The following SV2B variants were observed in gnomAD, a reference collection of about 807,000 sequenced individuals.
The protein encoded by SV2B is synaptic vesicle glycoprotein 2B.
Under a neutral mutation model 73.9 loss-of-function variants are expected in SV2B, and 41 were observed. That is an observed-to-expected ratio of 0.56 (90% CI 0.43 to 0.72). The LOEUF (loss-of-function observed/expected upper bound fraction) is 0.72, where lower values mean the gene tolerates loss of function less well. Ranked by LOEUF, SV2B falls within the 30% of genes least tolerant of loss-of-function variation. The pLI is 0.00. For missense variants in SV2B, 764 were observed against 857.8 expected (o/e 0.89, Z 1.37); for synonymous variants, 314 against 314.2 (o/e 1.00, Z 0.01).
Position 91,288,866 on chromosome 15 carries a change from CAG to C in SV2B, c.1709-654_1709-653del, listed in dbSNP as rs1305171773. On this transcript the variant is annotated intron_variant, in intron 11 of 12. Transcript: ENST00000394232. The surrounding 1 kb of genome is among the most constrained non-coding windows in gnomAD (Gnocchi z 5.8). ...CTACTTTTTGTCTTTTTCGTAGAGACAGTGTTTTATCATGTTGGTCAGGCTGG... is the reference window on the plus strand; with the variant it reads ...CTACTTTTTGTCTTTTTCGTAGAGACTGTTTTATCATGTTGGTCAGGCTGG... Among the ~76,000 whole-genome samples the C allele has an allele frequency of 5.9e-5, 9 of 152,194 alleles. No individual in the cohort carries two copies. Among genetic ancestry groups the C allele is most frequent in the African/African-American group, 2.2e-4 (9 of 41,524 alleles).
chr15:91,171,093 A>G (rs1296883254), intron 1 of SV2B, among the ~76,000 whole-genome samples: 1 of 152,162 alleles, frequency 6.6e-6, no homozygotes, highest in Non-Finnish European at 1.5e-5. Context: ...AAACCAGAAT[A>G]TGGATCTCGA....
chr15:91,198,846 G>T (rs1355574438), intron 1 of SV2B, among the ~76,000 whole-genome samples: 1 of 152,202 alleles, frequency 6.6e-6, no homozygotes, highest in Admixed American at 6.5e-5. Flanking sequence ...TGATCTGGGG[G>T]CAGGGCCGTA....
intron 1 of SV2B, among the ~76,000 whole-genome samples, chr15:91,108,883 A>G (rs1045485837): frequency 6.6e-6 from 1 of 152,192 alleles, no homozygotes; most frequent in African/African-American, 2.4e-5. Context: ...CAGCTCCCAC[A>G]CAGAAGCCTG....
chr15:91,270,130 C>T (rs1220313234), intron 9 of SV2B, among the ~76,000 whole-genome samples: 1 of 152,188 alleles, frequency 6.6e-6, no homozygotes, highest in Non-Finnish European at 1.5e-5. Context: ...GACTAGATGT[C>T]ACCCATGGGG....
In SV2B at chr15:91,115,472, A is replaced by C. The variant is rs930632205; in HGVS notation, c.-392+15109A>C. On this transcript the variant is annotated intron_variant, in intron 1 of 12. Transcript: ENST00000394232. The surrounding 1 kb of genome is among the most constrained non-coding windows in gnomAD (Gnocchi z 4.3). The stretch of plus-strand genomic sequence containing the variant: ...CTGCAACCTCTGCCTCTCAGGCTCA[A>C]GTAATCCTCCCACCTCAGTCTCCTG... Among the ~76,000 whole-genome samples, 4 of 152,028 alleles carry C rather than the reference A, an allele frequency of 2.6e-5. No homozygotes were observed. Among genetic ancestry groups the C allele is most frequent in the African/African-American group, 2.4e-5 (1 of 41,406 alleles).
intron 1 of SV2B, among the ~76,000 whole-genome samples, chr15:91,113,182 A>G (rs558362092): frequency 6.6e-6 from 1 of 152,306 alleles, no homozygotes; most frequent in Admixed American, 6.5e-5. Flanking sequence ...GGCAAAGACC[A>G]GCTGGCTTCA....
chr15:91,205,566 A>G (rs2045605292), intron 1 of SV2B, among the ~76,000 whole-genome samples: 2 of 151,928 alleles, frequency 1.3e-5, no homozygotes, highest in Admixed American at 6.6e-5. Flanking sequence ...GGGTTTCATC[A>G]TGTTGGCCAG....
rs1209422549 is a variant in SV2B at position 91,139,183 on chromosome 15, A to G, written c.-392+38820A>G. Among the ~76,000 whole-genome samples, 3 of 152,174 alleles carry G rather than the reference A, an allele frequency of 2.0e-5. No homozygotes were observed. The highest frequency in any genetic ancestry group is 4.4e-5 in the Non-Finnish European group (3 of 68,042). On this transcript the variant is annotated intron_variant, in intron 1 of 12. Coordinates refer to ENST00000394232, the MANE Select transcript of SV2B (RefSeq NM_001323032.3). This position sits in a 1 kb window ranked among gnomAD's most constrained non-coding sequence, Gnocchi z 5.2. ...TTGGGCTGTGCTTCACAATCATCCA[A>G]TGGTGGTGTGAAGGGAAGGAGGTTG...
rs1468319759 is a variant in SV2B, at chr15:91,234,047, T to C, written c.451+7333T>C. On this transcript the variant is annotated intron_variant, in intron 2 of 12. Coordinates refer to ENST00000394232, the MANE Select transcript of SV2B (RefSeq NM_001323032.3). This position sits in a 1 kb window ranked among gnomAD's most constrained non-coding sequence, Gnocchi z 5.6. ...GAAATTCTGCATTTAATGTTGCAGC[T>C]TGTAGGGCTGGAAAAAACTCTACTA... Among the ~76,000 whole-genome samples the C allele has an allele frequency of 1.3e-5, 2 of 152,194 alleles. No individual in the cohort carries two copies. The highest frequency in any genetic ancestry group is 2.9e-5 in the Non-Finnish European group (2 of 68,024).
At position 91,105,941 on chromosome 15, in the gene SV2B, C is replaced by A. The variant is rs926526751; in HGVS notation, c.-392+5578C>A. 6.6e-6 allele frequency among the ~76,000 whole-genome samples: 1 copy of A among 151,796 alleles called. No homozygotes were observed. Among genetic ancestry groups the A allele is most frequent in the African/African-American group, 2.4e-5 (1 of 41,288 alleles). ...GCACATGCCTGTAGCCCTAGCTACT[C>A]GGGAGTCTGAGGTGGGAGGATCACC... On this transcript the variant is annotated intron_variant, in intron 1 of 12. Coordinates refer to ENST00000394232, the MANE Select transcript of SV2B (RefSeq NM_001323032.3). The surrounding 1 kb of genome is among the most constrained non-coding windows in gnomAD (Gnocchi z 5.5).
chr15:91,272,147 C>A (rs1043514195), intron 9 of SV2B, among the ~76,000 whole-genome samples: 1 of 152,152 alleles, frequency 6.6e-6, no homozygotes, highest in East Asian at 1.9e-4. Flanking sequence ...TTTTGGGGAT[C>A]TGGGGGCTCT....
chr15:91,251,001 G>A (rs1242456433), intron 2 of SV2B, among the ~76,000 whole-genome samples: 1 of 152,156 alleles, frequency 6.6e-6, no homozygotes, highest in African/African-American at 2.4e-5. Flanking sequence ...AGGCAAAGCA[G>A]TCGAGCCAAA....
rs1207021854 is a variant in SV2B at position 91,123,256 on chromosome 15, A to G, written c.-392+22893A>G. Among the ~76,000 whole-genome samples the G allele has an allele frequency of 6.6e-6, 1 of 152,210 alleles. No homozygotes were observed. Among genetic ancestry groups the G allele is most frequent in the Non-Finnish European group, 1.5e-5 (1 of 68,042 alleles). ...CATACCACTGCATTGCAGCCTGGTAACAGAGCAAGACCTTGTCTCAAAAAC... is the reference window on the plus strand; with the variant it reads ...CATACCACTGCATTGCAGCCTGGTAGCAGAGCAAGACCTTGTCTCAAAAAC... On this transcript the variant is annotated intron_variant, in intron 1 of 12. Transcript: ENST00000394232. This position sits in a 1 kb window ranked among gnomAD's most constrained non-coding sequence, Gnocchi z 4.7.
intron 2 of SV2B, among the ~76,000 whole-genome samples, chr15:91,249,438 C>G (rs1017630399): frequency 1.3e-5 from 2 of 152,140 alleles, no homozygotes; most frequent in African/African-American, 4.8e-5. Context: ...TATTGTTTAT[C>G]TCCTTGAAAG....
intron 1 of SV2B, among the ~76,000 whole-genome samples, chr15:91,185,953 T>C (rs936241513): frequency 6.6e-6 from 1 of 152,218 alleles, no homozygotes; most frequent in African/African-American, 2.4e-5. Context: ...TGTGACCAGA[T>C]CCTCTTCTAA....
At chr15:91,104,442 G>A (rs377311264) in intron 1 of SV2B, among the ~76,000 whole-genome samples, 3 of 152,172 alleles carry the variant, frequency 2.0e-5, no homozygotes, top group African/African-American at 4.8e-5. Flanking sequence ...CTGGCACTCC[G>A]TCACTTTATC....
intron 2 of SV2B, among the ~76,000 whole-genome samples, chr15:91,243,762 A>G (rs900608464): frequency 1.3e-5 from 2 of 152,140 alleles, no homozygotes; most frequent in African/African-American, 2.4e-5. Flanking sequence ...TCCTGATTTA[A>G]GGCTCTGTCC....
Position 91,227,490 on chromosome 15 carries a change from A to G in SV2B, c.451+776A>G, listed in dbSNP as rs2046422292. 6.6e-6 allele frequency among the ~76,000 whole-genome samples: 1 copy of G among 152,192 alleles called. No individual in the cohort carries two copies. The highest frequency in any genetic ancestry group is 2.1e-4 in the South Asian group (1 of 4,826). ...TCTTTAGTCACCAAATGTCCTGAAAAATGTATCTACCCTCTAAATTTAGAG... is the reference window on the plus strand; with the variant it reads ...TCTTTAGTCACCAAATGTCCTGAAAGATGTATCTACCCTCTAAATTTAGAG... On this transcript the variant is annotated intron_variant, in intron 2 of 12. Coordinates refer to ENST00000394232, the MANE Select transcript of SV2B (RefSeq NM_001323032.3). The surrounding 1 kb of genome is among the most constrained non-coding windows in gnomAD (Gnocchi z 4.5).
At chr15:91,125,749 T>TG (rs1330782365) in intron 1 of SV2B, among the ~76,000 whole-genome samples, 2 of 123,854 alleles carry the variant, frequency 1.6e-5, no homozygotes, top group African/African-American at 6.5e-5. Context: ...CCCTCTGGCC[T>TG]GGGTGACAAA....
Sources: allele counts gnomAD v4.1 joint callset (sites outside exome capture counted in the v4.1 genomes callset), GRCh38; gene constraint gnomAD v4.1.1; non-coding constraint Gnocchi (gnomAD v3.1); transcripts MANE v1.5; gene names NCBI Gene and HGNC (gene_info 2026-07-23, HGNC 2026-07-21).